Variants in ALOX12B observed in about 807,000 individuals in gnomAD.
The protein encoded by ALOX12B is arachidonate 12-lipoxygenase, 12R type, also known as arachidonate 12-lipoxygenase, 12R-type.
A neutral mutation model predicts 78.9 loss-of-function variants in ALOX12B; 47 were observed. That is an observed-to-expected ratio of 0.60 (90% CI 0.47 to 0.76). ALOX12B has a LOEUF of 0.76. Ranked by LOEUF, ALOX12B falls within the 30% of genes least tolerant of loss-of-function variation. ALOX12B has a pLI of 0.00. For synonymous variants in ALOX12B, 370 were observed against 374.5 expected, an observed-to-expected ratio of 0.99 and a Z score of 0.14; for missense variants, 805 against 922.6, an observed-to-expected ratio of 0.87 and a Z score of 1.65.
At chr17:8,081,357 A>T (rs1162552767) in intron 2 of ALOX12B, 170 bp from the exon 3 acceptor site, 2 of 706,178 alleles carry the variant, frequency 2.8e-6, no homozygotes, top group Non-Finnish European at 5.2e-6. Context: ...GAAATATCAG[A>T]TAAAAGAATC....
intron 2 of ALOX12B, among the ~76,000 whole-genome samples, chr17:8,085,742 G>A (rs974509676): frequency 6.6e-6 from 1 of 152,166 alleles, no homozygotes; most frequent in African/African-American, 2.4e-5. Flanking sequence ...AGCGGGGAGC[G>A]CACTCTGGGA....
chr17:8,085,090 G>T (rs1978292701), intron 2 of ALOX12B, among the ~76,000 whole-genome samples: 1 of 152,184 alleles, frequency 6.6e-6, no homozygotes, highest in Non-Finnish European at 1.5e-5. Context: ...GGATTAAGGG[G>T]GGCCTTTTGG....
intron 2 of ALOX12B, among the ~76,000 whole-genome samples, chr17:8,084,971 G>A (rs1328939230): frequency 6.6e-6 from 1 of 152,212 alleles, no homozygotes; most frequent in African/African-American, 2.4e-5. Flanking sequence ...TCCCATGGGA[G>A]TAACCAAGCA....
Position 8,084,333 on chromosome 17 carries a change from C to T in ALOX12B, c.352+1683G>A, listed in dbSNP as rs569843951. Among the ~76,000 whole-genome samples the T allele has an allele frequency of 1.2e-3, 176 of 152,304 alleles. 2 individuals are homozygous for T. Among genetic ancestry groups the T allele is most frequent in the Non-Finnish European group, 1.9e-3 (129 of 68,028 alleles). Reference sequence around the variant, plus strand: ...TTACCTCACCACCCTCTCCCTCCTCCACCTGCCTCAGCTCATGTTGTATTC... The same window carrying T: ...TTACCTCACCACCCTCTCCCTCCTCTACCTGCCTCAGCTCATGTTGTATTC... On this transcript the variant is annotated intron_variant, in intron 2 of 14. Transcript: ENST00000647874.
chr17:8,082,742 C>T (rs6503077), intron 2 of ALOX12B, among the ~76,000 whole-genome samples: 132,762 of 152,158 alleles, frequency 0.87, 58,043 homozygotes, highest in African/African-American at 0.94. Flanking sequence ...TTGCAACTGC[C>T]TCCCTGGCCC....
Position 8,079,473 on chromosome 17 carries a change from G to A in ALOX12B, c.994C>T (p.Arg332Trp). 6.4e-7 allele frequency: 1 copy of A among 1,550,974 alleles called. No individual in the cohort carries two copies. Among genetic ancestry groups the A allele is most frequent in the East Asian group, 2.4e-5 (1 of 40,934 alleles). Residue 332 changes from arginine to tryptophan, a missense_variant, in exon 8 of 15, where the codon CGG becomes TGG. Physicochemically the swap from Arg to Trp is moderately radical, Grantham distance 101. Coordinates refer to ENST00000647874, the MANE Select transcript of ALOX12B (RefSeq NM_001139.3). The surrounding 1 kb of genome is among the most constrained non-coding windows in gnomAD (Gnocchi z 6.4). ...EGIPTVELSG[R>W]KQHHCAPLCL... Reference sequence around the variant, plus strand: ...AGGGGGGCGCAGTGGTGCTGCTTCCGGCCGCTGAGCTCCACGGTGGGGATG... The same window carrying A: ...AGGGGGGCGCAGTGGTGCTGCTTCCAGCCGCTGAGCTCCACGGTGGGGATG...
intron 2 of ALOX12B, chr17:8,081,398 T>C: frequency 4.7e-6 from 3 of 636,980 alleles, no homozygotes; most frequent in Non-Finnish European, 8.7e-6. Context: ...CTTGCTCTAC[T>C]GTCAAGCTAA....
chr17:8,085,306 C>T (rs768956159), intron 2 of ALOX12B, among the ~76,000 whole-genome samples: 153 of 152,122 alleles, frequency 1.0e-3, no homozygotes, highest in Non-Finnish European at 1.9e-3. Context: ...CAAAGTGAAA[C>T]CCCATCTCTA....
intron 2 of ALOX12B, among the ~76,000 whole-genome samples, chr17:8,082,753 C>A (rs1488282062): frequency 6.6e-6 from 1 of 152,136 alleles, no homozygotes; most frequent in East Asian, 1.9e-4. Context: ...TCCCTGGCCC[C>A]CACTCTTTTT....
intron 13 of ALOX12B, 115 bp downstream of exon 13, chr17:8,073,542 C>A: frequency 8.9e-7 from 1 of 1,129,140 alleles, no homozygotes; most frequent in Non-Finnish European, 1.3e-6. Context: ...GAAGCTGGAA[C>A]AAGTTGAGGC....
At chr17:8,087,205 C>A in intron 1 of ALOX12B, 91 bp downstream of exon 1, 3 of 1,557,442 alleles carry the variant, frequency 1.9e-6, no homozygotes, top group Middle Eastern at 3.6e-4. Context: ...CCCGGGGCCA[C>A]AAAGACACAC....
At chr17:8,083,768 G>T (rs530535551) in intron 2 of ALOX12B, among the ~76,000 whole-genome samples, 3 of 151,494 alleles carry the variant, frequency 2.0e-5, no homozygotes, top group South Asian at 2.1e-4. Flanking sequence ...AAACAACTCC[G>T]TTCAGATGTC....
chr17:8,075,714 T>C lies in ALOX12B; in HGVS notation c.1535A>G (p.Tyr512Cys), dbSNP rs1977065985. 6.2e-7 allele frequency: 1 copy of C among 1,614,164 alleles called. No individual in the cohort carries two copies. The highest frequency in any genetic ancestry group is 8.5e-7 in the Non-Finnish European group (1 of 1,180,034). The change falls in exon 12 of 15, where the codon TAT becomes TGT. Residue 512 changes from tyrosine to cysteine, a missense_variant and splice_region_variant. By Grantham distance (194) the Tyr-to-Cys change is radical. Transcript: ENST00000647874. Reference sequence around the variant, plus strand: ...ATAATAGGTGATGATCTCCGTCACATACCTGACCAGGGGACAGGGCCTCAG... The same window carrying C: ...ATAATAGGTGATGATCTCCGTCACACACCTGACCAGGGGACAGGGCCTCAG... ...SLAVWNALEK[Y>C]VTEIITYYYP...
In ALOX12B at chr17:8,076,695, G is replaced by T. The variant is rs764862348; in HGVS notation, c.1324C>A (p.Arg442=). The T allele has an allele frequency of 3.9e-6, 6 of 1,551,122 alleles. No homozygotes were observed. The African/African-American group carries it at 6.8e-5, about 18-fold the overall frequency. The change falls in exon 10 of 15, where the codon CGG becomes AGG. Residue 442 remains arginine (R), a synonymous_variant. Coordinates refer to ENST00000647874, the MANE Select transcript of ALOX12B (RefSeq NM_001139.3). ...CCCCCCTCATTGAGGAGAACGGCCC[G>T]GCCAATGCTGTTGATCTGGACGGTG... ...RYTVQINSIG[R]AVLLNEGGLS...
chr17:8,082,795 G>A (rs774717117), intron 2 of ALOX12B, among the ~76,000 whole-genome samples: 22 of 151,962 alleles, frequency 1.4e-4, no homozygotes, highest in African/African-American at 3.6e-4. Flanking sequence ...TCATTCCTTC[G>A]TCACCACCGG....
At chr17:8,081,298 C>A in intron 2 of ALOX12B, 111 bp from the exon 3 acceptor site, 1 of 1,081,262 alleles carries the variant, frequency 9.2e-7, no homozygotes, top group Non-Finnish European at 1.4e-6. Flanking sequence ...GGCCCATGAC[C>A]AAGGAGTGGG....
intron 1 of ALOX12B, among the ~76,000 whole-genome samples, chr17:8,086,530 T>G (rs764140486): frequency 8.5e-5 from 13 of 152,178 alleles, no homozygotes; most frequent in Non-Finnish European, 1.6e-4. Context: ...TTCAGACCCC[T>G]GGGGACTTGG....
chr17:8,080,388 C>A lies in ALOX12B; in HGVS notation c.651-50G>T. On this transcript the variant is annotated intron_variant, in intron 5 of 14. Transcript: ENST00000647874. This position sits in a 1 kb window ranked among gnomAD's most constrained non-coding sequence, Gnocchi z 4.8. ...GGCCTTCAGAGGGGCTGCCAAGCGC[C>A]GGCTGGGGCAGGTGGCGGGGCCGCC... The A allele has an allele frequency of 6.2e-7, 1 of 1,602,316 alleles. No individual in the cohort carries two copies. The highest frequency in any genetic ancestry group is 1.1e-5 in the South Asian group (1 of 90,838).
In ALOX12B at chr17:8,080,902, C is replaced by T; in HGVS notation, c.509G>A (p.Arg170His). The change falls in exon 4 of 15, where the codon CGC (arginine) becomes CAC (histidine). Residue 170 changes from arginine (R) to histidine (H), a missense_variant. By Grantham distance (29) the Arg-to-His change is conservative. Transcript: ENST00000647874. This position sits in a 1 kb window ranked among gnomAD's most constrained non-coding sequence, Gnocchi z 4.8. ...PSYRPPVRRH[R>H]NPNRPEWNGY... ...TCCTTACTCAGGCCGGTTGGGGTTG[C>T]GATGCCTCCGCACCGGAGGGCGGTA... is the stretch of plus-strand genomic sequence containing the variant. 2 of 1,613,900 alleles carry T rather than the reference C, an allele frequency of 1.2e-6. No individual in the cohort carries two copies. The highest frequency in any genetic ancestry group is 1.7e-5 in the Admixed American group (1 of 60,020).
Sources: allele counts gnomAD v4.1 joint callset (sites outside exome capture counted in the v4.1 genomes callset), GRCh38; gene constraint gnomAD v4.1.1; non-coding constraint Gnocchi (gnomAD v3.1); transcripts MANE v1.5; gene names NCBI Gene and HGNC (gene_info 2026-07-23, HGNC 2026-07-21).